Variants in CYFIP2 observed in about 807,000 individuals in gnomAD.
CYFIP2 encodes cytoplasmic FMR1-interacting protein 2.
Under a neutral mutation model 158.7 loss-of-function variants are expected in CYFIP2, and 29 were observed. The observed-to-expected ratio is 0.18, with a 90% CI of 0.14 to 0.25. CYFIP2 has a LOEUF of 0.25. CYFIP2 is among the 10% of genes least tolerant of loss of function. CYFIP2 has a pLI of 1.00. For missense variants in CYFIP2, 852 were observed against 1,639.5 expected, an observed-to-expected ratio of 0.52 and a Z score of 8.29; for synonymous variants, 585 against 617.6, an observed-to-expected ratio of 0.95 and a Z score of 0.78.
chr5:157,377,066 T>C, intron 26 of CYFIP2: 1 of 319,568 alleles, frequency 3.1e-6, no homozygotes, highest in Non-Finnish European at 6.3e-6. Context: ...TCTGCTCACT[T>C]CCTTCTATCT....
At chr5:157,303,152 G>T in intron 7 of CYFIP2, 1 of 377,384 alleles carries the variant, frequency 2.6e-6, no homozygotes, top group South Asian at 4.8e-5. Flanking sequence ...GAGAACGTGG[G>T]GTCTGGAGTT....
chr5:157,340,178 A>T (rs10058181), intron 22 of CYFIP2, among the ~76,000 whole-genome samples: 2 of 152,208 alleles, frequency 1.3e-5, no homozygotes, highest in African/African-American at 4.8e-5. Flanking sequence ...TTCATAACCC[A>T]GTGGAAGAGT....
At chr5:157,373,816 C>G (rs1299056773) in intron 26 of CYFIP2, among the ~76,000 whole-genome samples, 1 of 152,098 alleles carries the variant, frequency 6.6e-6, no homozygotes, top group Non-Finnish European at 1.5e-5. Flanking sequence ...AGTGATGACT[C>G]CTGGGTGGTG....
chr5:157,292,646 C>G (rs577041357), intron 3 of CYFIP2, among the ~76,000 whole-genome samples: 3 of 152,144 alleles, frequency 2.0e-5, no homozygotes, highest in Admixed American at 6.5e-5. Context: ...GATGGACATT[C>G]GAGTTATTGG....
At chr5:157,370,241 T>C (rs73307928) in intron 26 of CYFIP2, among the ~76,000 whole-genome samples, 3,471 of 152,302 alleles carry the variant, frequency 0.023, 132 homozygotes, top group African/African-American at 0.08. Context: ...GGAGGATCTC[T>C]GATCTAGAAG....
intron 26 of CYFIP2, among the ~76,000 whole-genome samples, chr5:157,373,612 A>G (rs1181442780): frequency 6.6e-6 from 1 of 152,194 alleles, no homozygotes; most frequent in African/African-American, 2.4e-5. Context: ...AGGATGTAGG[A>G]TAACTAAATA....
intron 28 of CYFIP2, chr5:157,384,363 CAG>C (rs934257489): frequency 4.4e-5 from 20 of 456,560 alleles, no homozygotes; most frequent in African/African-American, 2.6e-4. Flanking sequence ...AGAAGAGAAA[CAG>C]GGTATTCTAG....
chr5:157,320,627 G>A (rs778398914), intron 14 of CYFIP2, 28 bp from the exon 15 acceptor site: 8 of 1,613,542 alleles, frequency 5.0e-6, no homozygotes, highest in Non-Finnish European at 5.9e-6. Context: ...GTGAAACCTG[G>A]TCTAAGTCTT....
chr5:157,304,510 T>C (rs1406360473), intron 8 of CYFIP2, 144 bp downstream of exon 8: 5 of 921,360 alleles, frequency 5.4e-6, no homozygotes, highest in Non-Finnish European at 8.0e-6. Context: ...TTGTAACCTG[T>C]TCCTTTCCTG....
chr5:157,272,702 G>A (rs940007732), intron 1 of CYFIP2, among the ~76,000 whole-genome samples: 4 of 152,070 alleles, frequency 2.6e-5, no homozygotes, highest in African/African-American at 9.7e-5. Context: ...CTCAAGATAG[G>A]AAGAGCTCTA....
At chr5:157,302,196 A>AT (rs1758807041) in intron 6 of CYFIP2, among the ~76,000 whole-genome samples, 2 of 152,202 alleles carry the variant, frequency 1.3e-5, no homozygotes, top group African/African-American at 4.8e-5. Flanking sequence ...ATGATGACAC[A>AT]GGTGGCACCA....
In CYFIP2 at chr5:157,392,820, C is replaced by G; in HGVS notation, c.3595-13C>G. The G allele has an allele frequency of 6.2e-7, 1 of 1,613,256 alleles. No individual in the cohort carries two copies. The highest frequency in any genetic ancestry group is 8.5e-7 in the Non-Finnish European group (1 of 1,179,460). The stretch of plus-strand genomic sequence containing the variant: ...TGTCCTGCCCTAACTTGAACATCCC[C>G]TTCCTTCTGTAGCCCCTGAAGAAGA... On this transcript the variant is annotated splice_polypyrimidine_tract_variant and intron_variant, in intron 30 of 30. Coordinates refer to ENST00000620254, the MANE Select transcript of CYFIP2 (RefSeq NM_001037333.3).
At chr5:157,308,704 C>T (rs893795738) in intron 9 of CYFIP2, among the ~76,000 whole-genome samples, 13 of 152,150 alleles carry the variant, frequency 8.5e-5, no homozygotes, top group Non-Finnish European at 1.3e-4. Context: ...AAGAGGAATC[C>T]TGTGCCTTGG....
Position 157,341,143 on chromosome 5 carries a change from C to T in CYFIP2, c.2659C>T (p.Leu887Phe). Residue 887 changes from leucine (L) to phenylalanine (F), a missense_variant, in exon 23 of 31, where the codon CTC (leucine) becomes TTC (phenylalanine). By Grantham distance (22) the Leu-to-Phe change is conservative. Coordinates refer to ENST00000620254, the MANE Select transcript of CYFIP2 (RefSeq NM_001037333.3). ...ACCTGCCAACGTCCAGCCTTATTAC[C>T]TCTATGGATCCAAGGTAAGTAGTCC... ...DKPANVQPYY[L>F]YGSKPLNIAY... 2 of 1,613,958 alleles carry T rather than the reference C, an allele frequency of 1.2e-6. No homozygotes were observed. Among genetic ancestry groups the T allele is most frequent in the Non-Finnish European group, 8.5e-7 (1 of 1,179,866 alleles).
At position 157,326,208 on chromosome 5, in the gene CYFIP2, G is replaced by A. The variant is rs566311656; in HGVS notation, c.2020G>A (p.Ala674Thr). Residue 674 changes from alanine (A) to threonine (T), a missense_variant, in exon 18 of 31, where the codon GCC (alanine) becomes ACC (threonine). Around this residue, in one of 8 missense-constraint regions of CYFIP2, gnomAD observed 167 missense variants for 343.3 expected, o/e 0.49. Coordinates refer to ENST00000620254, the MANE Select transcript of CYFIP2 (RefSeq NM_001037333.3). The stretch of plus-strand genomic sequence containing the variant: ...CCCTCTGGATCTGTACAACGACAGC[G>A]CCTACTATGCTCTGACCAAGTTTAA... ...LYPLDLYNDS[A>T]YYALTKFKKQ... 5.1e-5 allele frequency: 83 copies of A among 1,613,970 alleles called. No individual in the cohort carries two copies. Among genetic ancestry groups the A allele is most frequent in the East Asian group, 6.7e-5 (3 of 44,894 alleles).
At chr5:157,330,564 G>A (rs1053542124) in intron 19 of CYFIP2, among the ~76,000 whole-genome samples, 178 bp from the exon 20 acceptor site, 1 of 152,138 alleles carries the variant, frequency 6.6e-6, no homozygotes, top group Non-Finnish European at 1.5e-5. Context: ...CACATATTGA[G>A]CTTCTGTGAC....
Position 157,333,365 on chromosome 5 carries a change from C to T in CYFIP2, c.2304C>T (p.Thr768=), listed in dbSNP as rs746974334. 8.7e-6 allele frequency: 14 copies of T among 1,613,812 alleles called. No homozygotes were observed. In the South Asian group the frequency reaches 1.5e-4, roughly 18 times the overall value. The change falls in exon 21 of 31, where the codon ACC becomes ACT. Residue 768 remains threonine (T), a synonymous_variant. Transcript: ENST00000620254. ...GRSIDLNRLI[T]QRISAAMYKS... ...CAATTGACTTGAACAGACTCATTAC[C>T]CAGCGCATCTCTGCCGCCATGTATA...
At chr5:157,305,358 TG>T (rs1316492141) in intron 8 of CYFIP2, among the ~76,000 whole-genome samples, 1 of 152,252 alleles carries the variant, frequency 6.6e-6, no homozygotes, top group East Asian at 1.9e-4. Flanking sequence ...TTCAAGCTTT[TG>T]CTACATTTTG....
At chr5:157,357,482 G>A (rs1763490207) in intron 23 of CYFIP2, among the ~76,000 whole-genome samples, 1 of 152,174 alleles carries the variant, frequency 6.6e-6, no homozygotes, top group Non-Finnish European at 1.5e-5. Context: ...CCCATAAATT[G>A]CATGTTCCAT....
Sources: allele counts gnomAD v4.1 joint callset (sites outside exome capture counted in the v4.1 genomes callset), GRCh38; gene constraint gnomAD v4.1.1; regional missense constraint gnomAD v4.1.1; transcripts MANE v1.5; gene names NCBI Gene and HGNC (gene_info 2026-07-23, HGNC 2026-07-21).